The following RBFOX1 variants were observed in gnomAD, a reference collection of about 807,000 sequenced individuals.
The protein encoded by RBFOX1 is RNA binding protein fox-1 homolog 1.
In RBFOX1, 8 loss-of-function variants were observed where a neutral mutation model predicts 57.7. The ratio of observed to expected loss-of-function variants is 0.14; its 90% CI spans 0.08 to 0.25. The LOEUF (loss-of-function observed/expected upper bound fraction) is 0.25, where lower values mean the gene tolerates loss of function less well. Among genes scored for constraint, RBFOX1 ranks in the 10% least tolerant of loss-of-function variants. The pLI, the probability that RBFOX1 is intolerant of heterozygous loss-of-function variation, is 1.00. For missense variants in RBFOX1, 611 were observed against 548.5 expected, an observed-to-expected ratio of 1.11 and a Z score of -1.14; for synonymous variants, 326 against 222.4, an observed-to-expected ratio of 1.47 and a Z score of -4.15.
chr16:6,251,407 T>G (rs1458392724), intron 1 of RBFOX1, among the ~76,000 whole-genome samples: 1 of 152,208 alleles, frequency 6.6e-6, no homozygotes, highest in African/African-American at 2.4e-5. Context: ...ACAGTCAGTG[T>G]GTGGAGGGGG....
chr16:7,227,648 G>C lies in RBFOX1; in HGVS notation c.27+175550G>C, dbSNP rs557088885. Among the ~76,000 whole-genome samples the C allele has an allele frequency of 5.3e-5, 8 of 152,260 alleles. No individual in the cohort carries two copies. In the South Asian group the frequency reaches 1.7e-3, roughly 32 times the overall value. ...CCCAGTCATTGTAGCCACTGGAGAT[G>C]GGGGTGGGGGATTTGAGTGGATGGG... On this transcript the variant is annotated intron_variant, in intron 4 of 15. Transcript: ENST00000550418.
At chr16:6,655,275 G>T (rs2154090325) in intron 3 of RBFOX1, among the ~76,000 whole-genome samples, 1 of 147,746 alleles carries the variant, frequency 6.8e-6, no homozygotes, top group Middle Eastern at 3.6e-3. Flanking sequence ...TTGGGAGGCT[G>T]AGGCAGGAGA....
At chr16:6,690,151 A>C (rs1407446762) in intron 3 of RBFOX1, among the ~76,000 whole-genome samples, 2 of 152,196 alleles carry the variant, frequency 1.3e-5, no homozygotes, top group African/African-American at 4.8e-5. Flanking sequence ...CCTCTAGCTT[A>C]TAAGGATTGA....
At chr16:6,173,123 C>T (rs1187655096) in intron 1 of RBFOX1, among the ~76,000 whole-genome samples, 1 of 152,124 alleles carries the variant, frequency 6.6e-6, no homozygotes, top group East Asian at 1.9e-4. Flanking sequence ...TTTCCCATTT[C>T]AAGATCCTTA....
chr16:6,199,967 A>G (rs916676076), intron 1 of RBFOX1, among the ~76,000 whole-genome samples: 6 of 152,182 alleles, frequency 3.9e-5, no homozygotes, highest in African/African-American at 1.2e-4. Context: ...ACCGACAGCC[A>G]GCTATCCAAG....
intron 2 of RBFOX1, among the ~76,000 whole-genome samples, chr16:6,355,651 A>G (rs1307433404): frequency 6.6e-6 from 1 of 152,152 alleles, no homozygotes; most frequent in African/African-American, 2.4e-5. Context: ...TATATACCCA[A>G]TAATGGGATT....
At chr16:7,193,397 G>C (rs751040628) in intron 4 of RBFOX1, among the ~76,000 whole-genome samples, 1 of 152,220 alleles carries the variant, frequency 6.6e-6, no homozygotes, top group Non-Finnish European at 1.5e-5. Context: ...AGCTGGATGA[G>C]ACCTGCATCA....
chr16:5,643,456 G>A (rs1254133183), intron 3 of RBFOX1, among the ~76,000 whole-genome samples: 3 of 152,184 alleles, frequency 2.0e-5, no homozygotes, highest in Admixed American at 6.5e-5. Flanking sequence ...GATACATAAA[G>A]TAGAGCTTCT....
intron 4 of RBFOX1, among the ~76,000 whole-genome samples, chr16:7,137,920 A>G (rs1413697472): frequency 1.3e-5 from 2 of 152,196 alleles, no homozygotes; most frequent in African/African-American, 4.8e-5. Context: ...GATGTACATT[A>G]GCTAATTAAA....
At chr16:7,563,030 C>A (rs747224235) in intron 5 of RBFOX1, among the ~76,000 whole-genome samples, 2 of 152,196 alleles carry the variant, frequency 1.3e-5, no homozygotes, top group Non-Finnish European at 2.9e-5. Flanking sequence ...CTGTGCCACA[C>A]TGCCTCCCAT....
intron 4 of RBFOX1, among the ~76,000 whole-genome samples, chr16:7,330,027 A>G (rs1011763770): frequency 6.6e-6 from 1 of 152,182 alleles, no homozygotes; most frequent in African/African-American, 2.4e-5. Flanking sequence ...GTATCTAAAC[A>G]TAGAAAAGGT....
intron 3 of RBFOX1, among the ~76,000 whole-genome samples, chr16:6,679,394 A>G (rs1476859520): frequency 6.6e-6 from 1 of 152,118 alleles, no homozygotes; most frequent in African/African-American, 2.4e-5. Flanking sequence ...GGTGATGGAA[A>G]GGGGAGACTT....
chr16:5,698,447 C>G (rs1478815695), intron 3 of RBFOX1, among the ~76,000 whole-genome samples: 1 of 151,992 alleles, frequency 6.6e-6, no homozygotes, highest in Non-Finnish European at 1.5e-5. Flanking sequence ...TTTCTTGAGT[C>G]CATTTTGGTA....
chr16:6,263,292 A>G (rs1214350939), intron 1 of RBFOX1, among the ~76,000 whole-genome samples: 1 of 152,190 alleles, frequency 6.6e-6, no homozygotes, highest in African/African-American at 2.4e-5. Flanking sequence ...TCATTCTAGC[A>G]TAGAATTGAA....
At chr16:7,233,639 C>T (rs1215184893) in intron 4 of RBFOX1, among the ~76,000 whole-genome samples, 1 of 152,158 alleles carries the variant, frequency 6.6e-6, no homozygotes, top group African/African-American at 2.4e-5. Context: ...CCGATTGTTT[C>T]CCTGGATGCT....
At chr16:7,155,710 AAAATAT>A (rs2076943361) in intron 4 of RBFOX1, among the ~76,000 whole-genome samples, 1 of 61,260 alleles carries the variant, frequency 1.6e-5, no homozygotes, top group Non-Finnish European at 2.9e-5. Context: ...AAAAAAAAAA[AAAATAT>A]ATATATATAT....
chr16:7,311,455 G>C (rs1262743706), intron 4 of RBFOX1, among the ~76,000 whole-genome samples: 1 of 147,454 alleles, frequency 6.8e-6, no homozygotes, highest in Admixed American at 6.8e-5. Flanking sequence ...ATGCATAAAA[G>C]GTTTAGTCTT....
intron 4 of RBFOX1, among the ~76,000 whole-genome samples, chr16:7,347,735 C>A (rs59330767): frequency 0.033 from 4,961 of 152,278 alleles, 178 homozygotes; most frequent in African/African-American, 0.087. Context: ...CCCAACCTAT[C>A]GTATGTCTCA....
rs529739687 is a variant in RBFOX1, at chr16:5,415,306, C to T, written c.220-51910C>T. 2.0e-4 allele frequency among the ~76,000 whole-genome samples: 31 copies of T among 152,286 alleles called. No homozygotes were observed. The East Asian group carries it at 4.8e-3, about 24-fold the overall frequency. On this transcript the variant is annotated intron_variant, in intron 1 of 2. Transcript: ENST00000585867. ...AGAGCAAGAATGAGGAAGTGCCATA[C>T]TTTAAAACGACCAGCTCTGGTGAGA... is the stretch of plus-strand genomic sequence containing the variant.
Sources: allele counts gnomAD v4.1 joint callset (sites outside exome capture counted in the v4.1 genomes callset), GRCh38; gene constraint gnomAD v4.1.1; transcripts MANE v1.5; gene names NCBI Gene and HGNC (gene_info 2026-07-23, HGNC 2026-07-21).